LZTFL1: variants seen among roughly 807,000 people sequenced by gnomAD.
The protein encoded by LZTFL1 is leucine zipper transcription factor-like protein 1.
LZTFL1 carries 25 observed loss-of-function variants against 45.9 expected under a neutral mutation model. That is an observed-to-expected ratio of 0.54 (90% CI 0.40 to 0.76). The LOEUF (loss-of-function observed/expected upper bound fraction) is 0.76, where lower values mean the gene tolerates loss of function less well. Ranked by LOEUF, LZTFL1 falls within the 30% of genes least tolerant of loss-of-function variation. The probability of loss-of-function intolerance (pLI) is 0.00; values close to 1 mark genes in which losing one functional copy is unlikely to be tolerated. For missense variants in LZTFL1, 277 were observed against 331.1 expected (o/e 0.84, Z 1.27); for synonymous variants, 93 against 117.4 (o/e 0.79, Z 1.35).
At chr3:45,915,667 G>A (rs1702885610), upstream of LZTFL1, 1 of 361,094 alleles carries the variant, frequency 2.8e-6, no homozygotes, top group African/African-American at 2.1e-5. Flanking sequence ...TTCATTCAAG[G>A]CTTTAGATGG....
chr3:45,842,672 A>G (rs1043809695), upstream of LZTFL1, among the ~76,000 whole-genome samples: 3 of 152,206 alleles, frequency 2.0e-5, no homozygotes, highest in Non-Finnish European at 4.4e-5. Flanking sequence ...TTCCATTTAA[A>G]AAAAATGCAA....
chr3:45,835,670 C>T lies in LZTFL1; in HGVS notation c.243G>A (p.Val81=). 1 of 1,614,164 alleles carries T rather than the reference C, an allele frequency of 6.2e-7. No individual in the cohort carries two copies. Among genetic ancestry groups the T allele is most frequent in the Non-Finnish European group, 8.5e-7 (1 of 1,179,988 alleles). The change falls in exon 3 of 10, where the codon GTG becomes GTA. Residue 81 remains valine, a synonymous_variant. Transcript: ENST00000296135. The part of the protein sequence containing the change: ...SELINTAYTN[V]LLLRQLFAQA... The stretch of plus-strand genomic sequence containing the variant: ...GTGCAAACAGCTGTCGCAGAAGTAA[C>T]ACATTGGTATAGGCAGTGTTGATGA...
chr3:45,915,714 G>A, upstream of LZTFL1: 1 of 311,348 alleles, frequency 3.2e-6, no homozygotes, highest in Non-Finnish European at 6.6e-6. Flanking sequence ...TGCCAGCATG[G>A]TGGGAGGTGT....
intron 3 of LZTFL1, among the ~76,000 whole-genome samples, chr3:45,856,209 C>A (rs964249591): frequency 2.6e-5 from 4 of 152,232 alleles, no homozygotes; most frequent in Middle Eastern, 3.4e-3. Flanking sequence ...TGGAACAGAA[C>A]AGAGATCTCA....
intron 2 of LZTFL1, among the ~76,000 whole-genome samples, chr3:45,887,732 G>A (rs1199448152): frequency 1.3e-5 from 2 of 152,188 alleles, no homozygotes; most frequent in Non-Finnish European, 2.9e-5. Flanking sequence ...TCTTTGTGTA[G>A]GCCTCACTCA....
intron 3 of LZTFL1, chr3:45,834,528 C>T (rs577830900): frequency 1.3e-5 from 5 of 378,320 alleles, no homozygotes; most frequent in African/African-American, 8.0e-5. Context: ...ACTAGGTATG[C>T]AATATCTACT....
At chr3:45,857,330 T>A (rs1386798918) in intron 3 of LZTFL1, among the ~76,000 whole-genome samples, 1 of 151,892 alleles carries the variant, frequency 6.6e-6, no homozygotes, top group Non-Finnish European at 1.5e-5. Context: ...TGAGAACATG[T>A]GGACACAGAG....
At chr3:45,867,367 G>C (rs75826707) in intron 2 of LZTFL1, among the ~76,000 whole-genome samples, 1 of 151,890 alleles carries the variant, frequency 6.6e-6, no homozygotes, top group South Asian at 2.1e-4. Flanking sequence ...GGGCACTTCC[G>C]GGCCATTCTT....
intron 8 of LZTFL1, among the ~76,000 whole-genome samples, chr3:45,827,707 C>G (rs901810604): frequency 6.6e-6 from 1 of 151,998 alleles, no homozygotes; most frequent in Admixed American, 6.6e-5. Flanking sequence ...ATAACTCAAG[C>G]CCTGGATATG....
At chr3:45,887,278 G>T (rs1230301108) in intron 2 of LZTFL1, among the ~76,000 whole-genome samples, 3 of 144,942 alleles carry the variant, frequency 2.1e-5, no homozygotes, top group Non-Finnish European at 3.0e-5. Flanking sequence ...TGTGTGTGAG[G>T]TTGTGTTACA....
At chr3:45,839,844 C>T (rs958129646) in intron 1 of LZTFL1, among the ~76,000 whole-genome samples, 2 of 152,204 alleles carry the variant, frequency 1.3e-5, no homozygotes, top group African/African-American at 4.8e-5. Flanking sequence ...TTCCTACCCA[C>T]CCTTCATGGC....
At chr3:45,854,887 TC>T in intron 4 of LZTFL1, 1 of 803,664 alleles carries the variant, frequency 1.2e-6, no homozygotes, top group Non-Finnish European at 2.0e-6. Context: ...AGAGCTACTC[TC>T]CTTGTCCCAT....
chr3:45,905,487 C>T (rs112462216), intron 2 of LZTFL1, among the ~76,000 whole-genome samples: 9 of 152,388 alleles, frequency 5.9e-5, no homozygotes, highest in African/African-American at 1.7e-4. Flanking sequence ...TACTTGTATA[C>T]GCTCAATTGT....
chr3:45,901,208 C>T lies in LZTFL1; in HGVS notation c.-215+11912G>A, dbSNP rs200806590. 1.9e-6 allele frequency: 3 copies of T among 1,614,196 alleles called. No homozygotes were observed. The highest frequency in any genetic ancestry group is 2.2e-5 in the East Asian group (1 of 44,892). On this transcript the variant is annotated intron_variant, in intron 2 of 4. Coordinates refer to the LZTFL1 transcript ENST00000472635. The surrounding 1 kb of genome is among the most constrained non-coding windows in gnomAD (Gnocchi z 4.3). ...GCTGTGTGTTGCTGATCATGTGCAT[C>T]AGCGTGGACAGGTACATTGCCATTG...
Position 45,826,338 on chromosome 3 carries a change from G to T in LZTFL1, c.882-6C>A. 1 of 1,610,386 alleles carries T rather than the reference G, an allele frequency of 6.2e-7. No homozygotes were observed. Among genetic ancestry groups the T allele is most frequent in the East Asian group, 2.2e-5 (1 of 44,816 alleles). On this transcript the variant is annotated splice_region_variant and splice_polypyrimidine_tract_variant and intron_variant, in intron 9 of 9. Transcript: ENST00000296135. ...TTTAATCTTCAGGTTCATATCTGGA[G>T]ATATAAATTAAGAACACAATGTCAG...
intron 7 of LZTFL1, among the ~76,000 whole-genome samples, chr3:45,829,467 G>A (rs1283739041): frequency 6.6e-6 from 1 of 152,020 alleles, no homozygotes; most frequent in Non-Finnish European, 1.5e-5. Flanking sequence ...AGCCAGGCAT[G>A]GTGGCACATG....
chr3:45,873,052 A>T (rs1033414804), intron 2 of LZTFL1, among the ~76,000 whole-genome samples: 1 of 152,202 alleles, frequency 6.6e-6, no homozygotes, highest in Non-Finnish European at 1.5e-5. Context: ...AAATCAAACT[A>T]ACAAATACCA....
chr3:45,841,576 T>G, intron 1 of LZTFL1: 1 of 189,816 alleles, frequency 5.3e-6, no homozygotes, highest in African/African-American at 2.3e-5. Context: ...TGAAACTGAG[T>G]GAGAACCCTG....
intron 2 of LZTFL1, among the ~76,000 whole-genome samples, chr3:45,862,042 C>T (rs1701499997): frequency 6.6e-6 from 1 of 152,120 alleles, no homozygotes; most frequent in Admixed American, 6.5e-5. Flanking sequence ...CATATACGAC[C>T]AGCTATGGAC....
Sources: allele counts gnomAD v4.1 joint callset (sites outside exome capture counted in the v4.1 genomes callset), GRCh38; gene constraint gnomAD v4.1.1; non-coding constraint Gnocchi (gnomAD v3.1); transcripts MANE v1.5; gene names NCBI Gene and HGNC (gene_info 2026-07-23, HGNC 2026-07-21).